Variants in PCDHGA4 observed in about 807,000 individuals in gnomAD.
PCDHGA4 encodes protocadherin gamma subfamily A, 4, also known as protocadherin gamma-A4.
A neutral mutation model predicts 54.6 loss-of-function variants in PCDHGA4; 38 were observed. The ratio of observed to expected loss-of-function variants is 0.70; its 90% CI spans 0.54 to 0.91. The LOEUF (loss-of-function observed/expected upper bound fraction) is 0.91. Ranked by LOEUF, PCDHGA4 falls within the 40% of genes least tolerant of loss-of-function variation. The pLI, the probability that PCDHGA4 is intolerant of heterozygous loss-of-function variation, is 0.00. For synonymous variants in PCDHGA4, 511 were observed against 512.9 expected, an observed-to-expected ratio of 1.00 and a Z score of 0.05; for missense variants, 1,298 against 1,220.9, an observed-to-expected ratio of 1.06 and a Z score of -0.94.
intron 1 of PCDHGA4, chr5:141,441,346 G>A (rs1265971154): frequency 2.0e-5 from 3 of 152,340 alleles, no homozygotes; most frequent in African/African-American, 7.2e-5. Context: ...TTAACTACAT[G>A]CTTGTAACAA....
intron 1 of PCDHGA4, 161 bp from the exon 2 acceptor site, chr5:141,494,646 T>C (rs1324048407): frequency 1.1e-6 from 1 of 935,836 alleles, no homozygotes; most frequent in East Asian, 1.2e-4. Flanking sequence ...AGACCTGAGG[T>C]GTATTTTGTC....
At chr5:141,506,993 C>T (rs781663602) in intron 3 of PCDHGA4, 18 of 152,184 alleles carry the variant, frequency 1.2e-4, no homozygotes, top group Non-Finnish European at 1.8e-4. Context: ...TTCTCACACT[C>T]GACAGATGAG....
chr5:141,466,581 T>C (rs1426600962), intron 1 of PCDHGA4, among the ~76,000 whole-genome samples: 2 of 152,198 alleles, frequency 1.3e-5, no homozygotes, highest in Non-Finnish European at 2.9e-5. Flanking sequence ...GTCTCATCCC[T>C]TCTTAAAACA....
At chr5:141,397,813 A>G (rs2093571371) in intron 1 of PCDHGA4, among the ~76,000 whole-genome samples, 2 of 152,216 alleles carry the variant, frequency 1.3e-5, no homozygotes, top group Non-Finnish European at 2.9e-5. Flanking sequence ...GCACACAAAA[A>G]CAATTACTGC....
rs1015704388 is a variant in PCDHGA4, at chr5:141,357,525, T to C, written c.2418T>C (p.Tyr806=). 1.4e-5 allele frequency: 22 copies of C among 1,614,088 alleles called. No individual in the cohort carries two copies. Among genetic ancestry groups the C allele is most frequent in the East Asian group, 6.7e-5 (3 of 44,892 alleles). The change falls in exon 1 of 4, where the codon TAT becomes TAC. Residue 806 remains tyrosine, a synonymous_variant. Transcript: ENST00000571252. ...ACCTGATCTTCTCCCAACCCAGCTA[T>C]GCAGACACGCTCATCAGCCGGGAGA... ...KSHLIFSQPS[Y]ADTLISRESC... is the part of the protein sequence containing the mutation.
At chr5:141,458,172 T>C (rs1023447659) in intron 1 of PCDHGA4, among the ~76,000 whole-genome samples, 2 of 152,216 alleles carry the variant, frequency 1.3e-5, no homozygotes, top group African/African-American at 4.8e-5. Flanking sequence ...CACAGTAGTA[T>C]ACCTTACTTG....
At chr5:141,421,522 A>G in intron 1 of PCDHGA4, 1 of 1,614,068 alleles carries the variant, frequency 6.2e-7, no homozygotes, top group Non-Finnish European at 8.5e-7. Context: ...GCTCTGTGAG[A>G]CGGTGTCCTC....
chr5:141,498,737 G>A (rs1176793634), intron 2 of PCDHGA4, among the ~76,000 whole-genome samples: 1 of 152,076 alleles, frequency 6.6e-6, no homozygotes, highest in African/African-American at 2.4e-5. Context: ...TTTGAGACCA[G>A]CCTGGCCAAC....
Position 141,510,960 on chromosome 5 carries a change from G to C in PCDHGA4, c.2676G>C (p.Gly892=). The change falls in exon 4 of 4, where the codon GGG becomes GGC. Residue 892 remains glycine, a synonymous_variant. Transcript: ENST00000571252. ...CTGTCTCTGCAGAAGCTGCTGATGG[G>C]AGCTCCACCCTGGGAGGGGGTGCCG... The part of the protein sequence containing the change: ...ILASASEAAD[G]SSTLGGGAGT... 1 of 1,614,120 alleles carries C rather than the reference G, an allele frequency of 6.2e-7. No homozygotes were observed. Among genetic ancestry groups the C allele is most frequent in the Non-Finnish European group, 8.5e-7 (1 of 1,180,022 alleles).
chr5:141,413,904 G>T (rs1230344912), intron 1 of PCDHGA4: 3 of 1,613,160 alleles, frequency 1.9e-6, no homozygotes, highest in East Asian at 2.2e-5. Context: ...ATGACAACGC[G>T]CCGGTCTTCA....
At chr5:141,374,458 C>T (rs1183222146) in intron 1 of PCDHGA4, 1 of 1,613,426 alleles carries the variant, frequency 6.2e-7, no homozygotes. Flanking sequence ...AAATAGTGGA[C>T]ATTAATGACA....
rs2233612 is a variant in PCDHGA4 at position 141,511,014 on chromosome 5, A to G, written c.2730A>G (p.Gly910=). 8.6e-4 allele frequency: 1,386 copies of G among 1,614,082 alleles called. 14 individuals are homozygous for G. The African/African-American group carries it at 0.017, about 20-fold the overall frequency. The change falls in exon 4 of 4, where the codon GGA becomes GGG. Residue 910 remains glycine, a synonymous_variant. Coordinates refer to ENST00000571252, the MANE Select transcript of PCDHGA4 (RefSeq NM_018917.4). ...AGTMGLSARY[G]PQFTLQHVPD... ...CCATGGGATTGAGCGCCCGCTACGG[A>G]CCCCAGTTCACCCTGCAGCACGTGC...
chr5:141,448,426 T>C (rs892222815), intron 1 of PCDHGA4, among the ~76,000 whole-genome samples: 1 of 152,164 alleles, frequency 6.6e-6, no homozygotes, highest in Non-Finnish European at 1.5e-5. Context: ...ATACTATGTA[T>C]ATATTGAGAA....
chr5:141,426,790 A>T, intron 1 of PCDHGA4: 1 of 456,732 alleles, frequency 2.2e-6, no homozygotes, highest in Middle Eastern at 3.3e-4. Flanking sequence ...CTCCAGAGTT[A>T]CCAGCTCAGT....
At chr5:141,482,761 ATT>A (rs2099571906) in intron 1 of PCDHGA4, among the ~76,000 whole-genome samples, 1 of 127,370 alleles carries the variant, frequency 7.9e-6, no homozygotes, top group Admixed American at 7.7e-5. Flanking sequence ...ATGGTATTTC[ATT>A]ATCACTGAAC....
intron 1 of PCDHGA4, chr5:141,419,831 G>C: frequency 1.9e-6 from 3 of 1,614,048 alleles, no homozygotes; most frequent in Non-Finnish European, 2.5e-6. Context: ...TTCAGCCACT[G>C]CCACGCTGCA....
At chr5:141,494,937 G>A (rs759078748) in intron 2 of PCDHGA4, 72 bp downstream of exon 2, 130 of 1,612,276 alleles carry the variant, frequency 8.1e-5, no homozygotes, top group Non-Finnish European at 1.1e-4. Context: ...GAGGAGATGG[G>A]GGAGGGCCCA....
At chr5:141,365,656 A>C in intron 1 of PCDHGA4, 2 of 1,613,518 alleles carry the variant, frequency 1.2e-6, no homozygotes. Flanking sequence ...CCTTGAAAGT[A>C]GCAGACGTTA....
rs749645155 is a variant in PCDHGA4 at position 141,414,214 on chromosome 5, A to G, written c.2514+56593A>G. On this transcript the variant is annotated intron_variant, in intron 1 of 3. Transcript: ENST00000571252. ...GATTACAGTAGAAGATGTAAATGAC[A>G]ACAGTCCAGAGCTGACCATCACGTC... 6.2e-6 allele frequency: 10 copies of G among 1,613,126 alleles called. No homozygotes were observed. The South Asian group carries it at 9.9e-5, about 16-fold the overall frequency.
Sources: gnomAD v4.1 joint callset for allele counts (sites outside exome capture counted in the v4.1 genomes callset) on GRCh38, gnomAD v4.1.1 for gene constraint, MANE v1.5 for transcripts, NCBI Gene and HGNC (gene_info 2026-07-23, HGNC 2026-07-21) for gene names.